Variants in BTBD9 observed in about 807,000 individuals in gnomAD.
The protein encoded by BTBD9 is BTB domain containing 9, also known as BTB/POZ domain-containing protein 9.
A neutral mutation model predicts 64.3 loss-of-function variants in BTBD9; 49 were observed. The observed-to-expected ratio is 0.76, with a 90% CI of 0.61 to 0.97. BTBD9 has a LOEUF of 0.97. Ranked by LOEUF, BTBD9 falls within the 50% of genes least tolerant of loss-of-function variation. The pLI is 0.00. For synonymous variants in BTBD9, 260 were observed against 274.7 expected (o/e 0.95, Z 0.53); for missense variants, 598 against 762.1 (o/e 0.78, Z 2.53).
chr6:38,338,720 A>T lies in BTBD9; in HGVS notation c.1264+6264T>A, dbSNP rs143305805. On this transcript the variant is annotated intron_variant, in intron 7 of 10. Transcript: ENST00000481247. ...AGACTTCTGTAATGCTGAATGCCAC[A>T]CTCTAATCTCAGTGTAAAGTGTTTA... Among the ~76,000 whole-genome samples the T allele has an allele frequency of 1.9e-3, 294 of 152,136 alleles. 1 individual carries two copies. The highest frequency in any genetic ancestry group is 6.6e-3 in the African/African-American group (272 of 41,498).
At chr6:38,366,581 G>A (rs1034008747) in intron 6 of BTBD9, among the ~76,000 whole-genome samples, 3 of 152,170 alleles carry the variant, frequency 2.0e-5, no homozygotes, top group Non-Finnish European at 4.4e-5. Context: ...AAAAAGAATT[G>A]TTGGTTTATG....
At chr6:38,287,815 C>G (rs893848227) in intron 8 of BTBD9, among the ~76,000 whole-genome samples, 2 of 152,130 alleles carry the variant, frequency 1.3e-5, no homozygotes, top group African/African-American at 2.4e-5. Context: ...GTTAAAGTTC[C>G]CTTCTTAAAA....
intron 6 of BTBD9, among the ~76,000 whole-genome samples, chr6:38,551,331 A>C (rs1022941699): frequency 6.6e-6 from 1 of 152,194 alleles, no homozygotes; most frequent in Non-Finnish European, 1.5e-5. Flanking sequence ...CCATGTTTAA[A>C]GATACAGAAC....
At chr6:38,301,051 TGA>T (rs1762380487) in intron 7 of BTBD9, among the ~76,000 whole-genome samples, 1 of 152,206 alleles carries the variant, frequency 6.6e-6, no homozygotes, top group Non-Finnish European at 1.5e-5. Flanking sequence ...CCTAATTTAT[TGA>T]GAGTTTTTAG....
At chr6:38,211,352 C>T (rs933249791) in intron 9 of BTBD9, among the ~76,000 whole-genome samples, 7 of 151,480 alleles carry the variant, frequency 4.6e-5, no homozygotes, top group Non-Finnish European at 7.4e-5. Context: ...TGGCGTGAAC[C>T]TGGGAGGCAG....
intron 6 of BTBD9, among the ~76,000 whole-genome samples, chr6:38,483,516 C>T (rs139824153): frequency 0.013 from 1,966 of 152,028 alleles, 46 homozygotes; most frequent in African/African-American, 0.045. Context: ...TCTCAACTAC[C>T]ATCACCTGGT....
intron 6 of BTBD9, among the ~76,000 whole-genome samples, chr6:38,469,636 T>C (rs1450480957): frequency 6.6e-6 from 1 of 152,158 alleles, no homozygotes; most frequent in Non-Finnish European, 1.5e-5. Flanking sequence ...ACTCTTAAAA[T>C]ACCCTGTATG....
intron 7 of BTBD9, among the ~76,000 whole-genome samples, chr6:38,301,467 T>G (rs574953530): frequency 2.0e-5 from 3 of 152,334 alleles, no homozygotes; most frequent in African/African-American, 2.4e-5. Context: ...CTGGTAGAAT[T>G]TGGCTGTGAA....
chr6:38,217,389 T>C (rs1471115871), intron 9 of BTBD9, among the ~76,000 whole-genome samples: 1 of 148,166 alleles, frequency 6.7e-6, no homozygotes, highest in Non-Finnish European at 1.5e-5. Flanking sequence ...CTCCATCAGG[T>C]AGAAGGTGGC....
At chr6:38,385,811 T>TC (rs957041858) in intron 6 of BTBD9, among the ~76,000 whole-genome samples, 1 of 150,798 alleles carries the variant, frequency 6.6e-6, no homozygotes, top group Non-Finnish European at 1.5e-5. Context: ...TTTTTTTTTT[T>TC]TGAGACAGAG....
chr6:38,469,598 C>T (rs1770549182), intron 6 of BTBD9, among the ~76,000 whole-genome samples: 1 of 152,058 alleles, frequency 6.6e-6, no homozygotes, highest in South Asian at 2.1e-4. Flanking sequence ...GGATTACAGG[C>T]GTGAGCCACC....
intron 7 of BTBD9, among the ~76,000 whole-genome samples, chr6:38,315,884 A>T (rs986721294): frequency 7.2e-5 from 11 of 152,186 alleles, no homozygotes; most frequent in African/African-American, 2.4e-4. Context: ...TGTCTAAATG[A>T]TCGGTCCAAT....
At chr6:38,518,138 T>A (rs1468876376) in intron 6 of BTBD9, among the ~76,000 whole-genome samples, 1 of 152,138 alleles carries the variant, frequency 6.6e-6, no homozygotes, top group Non-Finnish European at 1.5e-5. Flanking sequence ...GCAGCAACAA[T>A]AATTACATAT....
intron 8 of BTBD9, among the ~76,000 whole-genome samples, chr6:38,277,732 TTAAAAATAAAAGGGAAA>T (rs1761334936): frequency 6.6e-6 from 1 of 152,172 alleles, no homozygotes; most frequent in Non-Finnish European, 1.5e-5. Flanking sequence ...AGGGAAGCTT[TTAAAAATAAAAGGGAAA>T]AAGCCCCCAC....
At chr6:38,426,670 G>A (rs1206431683) in intron 6 of BTBD9, among the ~76,000 whole-genome samples, 1 of 151,924 alleles carries the variant, frequency 6.6e-6, no homozygotes, top group Non-Finnish European at 1.5e-5. Context: ...GTTCCTGCAT[G>A]GCTAAGTGCC....
chr6:38,326,067 A>AG (rs897723593), intron 7 of BTBD9, among the ~76,000 whole-genome samples: 13 of 152,082 alleles, frequency 8.5e-5, no homozygotes, highest in Admixed American at 6.6e-4. Context: ...GACTAGGGGT[A>AG]GGGGGGGTCA....
intron 7 of BTBD9, among the ~76,000 whole-genome samples, chr6:38,310,438 G>T (rs74384018): frequency 0.026 from 3,931 of 151,804 alleles, 127 homozygotes; most frequent in East Asian, 0.084. Flanking sequence ...AAAAAAATCT[G>T]GGCAAAATAT....
intron 7 of BTBD9, among the ~76,000 whole-genome samples, chr6:38,335,030 A>C (rs929749839): frequency 4.6e-5 from 7 of 152,072 alleles, no homozygotes; most frequent in Admixed American, 4.6e-4. Context: ...ATAGTGAGTG[A>C]GTTCTCCTGA....
At chr6:38,424,911 T>G (rs765858312) in intron 6 of BTBD9, among the ~76,000 whole-genome samples, 28 of 151,744 alleles carry the variant, frequency 1.8e-4, no homozygotes, top group Middle Eastern at 3.2e-3. Context: ...CGATATCGGC[T>G]TACTGCAACC....
Sources: gnomAD v4.1 joint callset for allele counts (sites outside exome capture counted in the v4.1 genomes callset) on GRCh38, gnomAD v4.1.1 for gene constraint, MANE v1.5 for transcripts, NCBI Gene and HGNC (gene_info 2026-07-23, HGNC 2026-07-21) for gene names.